CRB2: variants seen among roughly 807,000 people sequenced by gnomAD.
The protein encoded by CRB2 is protein crumbs homolog 2.
A neutral mutation model predicts 110.9 loss-of-function variants in CRB2; 85 were observed. The ratio of observed to expected loss-of-function variants is 0.77; its 90% CI spans 0.64 to 0.92. CRB2 has a LOEUF of 0.92. Ranked by LOEUF, CRB2 falls within the 40% of genes least tolerant of loss-of-function variation. CRB2 has a pLI of 0.00. For missense variants in CRB2, 1,843 were observed against 1,851.3 expected, an observed-to-expected ratio of 1.00 and a Z score of 0.08; for synonymous variants, 907 against 831.0, an observed-to-expected ratio of 1.09 and a Z score of -1.57.
intron 10 of CRB2, 31 bp downstream of exon 10, chr9:123,373,951 G>A (rs1418093582): frequency 6.5e-7 from 1 of 1,549,924 alleles, no homozygotes; most frequent in African/African-American, 1.4e-5. Context: ...GGTGGGCTGC[G>A]AATGCCCCCT....
At position 123,373,459 on chromosome 9, in the gene CRB2, G is replaced by T. The variant is rs910601450; in HGVS notation, c.2928G>T (p.Trp976Cys). ...PAATTSRWLL[W>C]LDGAATPVAL... Reference sequence around the variant, plus strand: ...CCACCACCTCGCGCTGGCTGCTGTGGCTGGATGGTGCCGCCACCCCGGTGG... The same window carrying T: ...CCACCACCTCGCGCTGGCTGCTGTGTCTGGATGGTGCCGCCACCCCGGTGG... The change falls in exon 10 of 13, where the codon TGG (tryptophan) becomes TGT (cysteine). Residue 976 changes from tryptophan to cysteine, a missense_variant. Trp to Cys is a radical substitution (Grantham distance 215). Coordinates refer to ENST00000373631, the MANE Select transcript of CRB2 (RefSeq NM_173689.7). 1 of 1,454,924 alleles carries T rather than the reference G, an allele frequency of 6.9e-7. No homozygotes were observed. Among genetic ancestry groups the T allele is most frequent in the Non-Finnish European group, 9.0e-7 (1 of 1,110,948 alleles). The allele number at this position is 1,454,924 out of a possible 1,614,324, so 90.1% of individuals were successfully genotyped here. A position where few individuals can be genotyped will look rare whatever the true frequency, so the allele number is the denominator to read the frequency against.
In CRB2 at chr9:123,374,564, C is replaced by G. The variant is rs370625774; in HGVS notation, c.3390-15C>G. ...AGGTGTCCTGCACCCACTCCAGCCT[C>G]TGCTCTCTCCCCAGGTTGCCTGTCC... On this transcript the variant is annotated splice_polypyrimidine_tract_variant and intron_variant, in intron 10 of 12. Transcript: ENST00000373631. 8.1e-6 allele frequency: 13 copies of G among 1,602,246 alleles called. No individual in the cohort carries two copies. The African/African-American group carries it at 1.6e-4, about 20-fold the overall frequency.
chr9:123,366,176 G>A, intron 3 of CRB2, 51 bp from the exon 4 acceptor site: 2 of 1,375,366 alleles, frequency 1.5e-6, no homozygotes, highest in South Asian at 1.7e-5. Context: ...GGCCAGGCGC[G>A]GGGCAGAAGG....
chr9:123,377,002 T>A lies in CRB2; in HGVS notation c.3798T>A (p.Ala1266=), dbSNP rs770025300. Residue 1266 remains alanine (A), a synonymous_variant, in exon 13 of 13, where the codon GCT becomes GCA. Transcript: ENST00000373631. ...ACAGCCCAAGCCAGCAGGAGGTGGCTGGGGCCCGGCTGGAGATGGACAGTG... is the reference window on the plus strand; with the variant it reads ...ACAGCCCAAGCCAGCAGGAGGTGGCAGGGGCCCGGCTGGAGATGGACAGTG... ...GTYSPSQQEV[A]GARLEMDSVL... 3 of 1,609,244 alleles carry A rather than the reference T, an allele frequency of 1.9e-6. No individual in the cohort carries two copies. In the East Asian group the frequency reaches 6.7e-5, roughly 36 times the overall value.
chr9:123,362,443 C>A (rs2041879252), intron 1 of CRB2, among the ~76,000 whole-genome samples: 1 of 152,194 alleles, frequency 6.6e-6, no homozygotes, highest in East Asian at 1.9e-4. Flanking sequence ...CACTAACTTG[C>A]TGTGTGAAGT....
intron 6 of CRB2, 87 bp from the exon 7 acceptor site, chr9:123,370,021 C>A: frequency 6.9e-7 from 1 of 1,447,970 alleles, no homozygotes; most frequent in Non-Finnish European, 9.3e-7. Context: ...TACTGAGGTC[C>A]CCATCATAAG....
chr9:123,367,529 G>A, intron 5 of CRB2, 44 bp from the exon 6 acceptor site: 1 of 1,501,512 alleles, frequency 6.7e-7, no homozygotes, highest in Non-Finnish European at 9.0e-7. Flanking sequence ...GCCCCTGCCT[G>A]GCTCTGAGGG....
At position 123,377,118 on chromosome 9, in the gene CRB2, G is replaced by C. The variant is rs1235211670; in HGVS notation, c.*56G>C. 1.3e-5 allele frequency: 19 copies of C among 1,426,564 alleles called. No individual in the cohort carries two copies. Among genetic ancestry groups the C allele is most frequent in the Non-Finnish European group, 1.7e-5 (18 of 1,070,024 alleles). 88.4% of individuals were successfully genotyped at this position (1,426,564 alleles called of 1,614,324 possible). A position where few individuals can be genotyped will look rare whatever the true frequency, so the allele number is the denominator to read the frequency against. ...AGGTCCTGAATGGTTTCTACCTGGA[G>C]ACCCAAGGAAGCTGCTTCCAGGGCT... On this transcript the variant is annotated 3_prime_UTR_variant, in exon 13 of 13. Coordinates refer to ENST00000373631, the MANE Select transcript of CRB2 (RefSeq NM_173689.7).
intron 4 of CRB2, 21 bp downstream of exon 4, chr9:123,366,387 G>A (rs771163017): frequency 6.5e-7 from 1 of 1,531,390 alleles, no homozygotes; most frequent in South Asian, 1.2e-5. Flanking sequence ...GCAGGTGCGC[G>A]GCCTGGCGGG....
In CRB2 at chr9:123,375,321, C is replaced by G; in HGVS notation, c.3611C>G (p.Ser1204Cys). 6.2e-7 allele frequency: 1 copy of G among 1,603,306 alleles called. No homozygotes were observed. Among genetic ancestry groups the G allele is most frequent in the African/African-American group, 1.3e-5 (1 of 74,884 alleles). Residue 1204 changes from serine (S) to cysteine (C), a missense_variant, in exon 12 of 13, where the codon TCC becomes TGC. Physicochemically the swap from Ser to Cys is moderately radical, Grantham distance 112. Transcript: ENST00000373631. The part of the protein sequence containing the change: ...VSECICNARF[S>C]GQFCEVAKGL... ...GAATGTATCTGCAATGCCAGATTCT[C>G]CGGCCAGTTCTGTGAAGTGGCGGTG...
rs68008388 is a variant in CRB2, at chr9:123,367,444, CCACCCCA to C, written c.940+100_940+106del. On this transcript the variant is annotated intron_variant, in intron 5 of 12. Coordinates refer to ENST00000373631, the MANE Select transcript of CRB2 (RefSeq NM_173689.7). ...CCACCCCCCCACCCCCCCCACCCCC[CCACCCCA>C]CACCCCACACCCGAGTCTGCCCTCT... 0.49 allele frequency: 524,917 copies of C among 1,075,762 alleles called. 123,444 individuals carry two copies. The highest frequency in any genetic ancestry group is 0.52 in the Non-Finnish European group (406,789 of 787,084). 66.6% of individuals were successfully genotyped at this position (1,075,762 alleles called of 1,614,324 possible). A position where few individuals can be genotyped will look rare whatever the true frequency, so the allele number is the denominator to read the frequency against.
Position 123,373,295 on chromosome 9 carries a change from C to T in CRB2, c.2764C>T (p.Leu922=). The change falls in exon 10 of 13, where the codon CTG becomes TTG. Residue 922 remains leucine, a synonymous_variant. Transcript: ENST00000373631. ...GGCGGGCGCCCTGGAAGGCGTGTGG[C>T]TGGCGGTGCGCAATGGCTCGCTGGC... is the stretch of plus-strand genomic sequence containing the variant. ...AAAGALEGVW[L]AVRNGSLAGG... is the part of the protein sequence containing the mutation. 6.8e-7 allele frequency: 1 copy of T among 1,474,670 alleles called. No individual in the cohort carries two copies. The highest frequency in any genetic ancestry group is 8.9e-7 in the Non-Finnish European group (1 of 1,122,180). 91.3% of individuals were successfully genotyped at this position (1,474,670 alleles called of 1,614,324 possible). A position where few individuals can be genotyped will look rare whatever the true frequency, so the allele number is the denominator to read the frequency against.
At chr9:123,361,101 AG>A (rs1320899627) in intron 1 of CRB2, among the ~76,000 whole-genome samples, 3 of 139,998 alleles carry the variant, frequency 2.1e-5, no homozygotes, top group Non-Finnish European at 4.6e-5. Context: ...AGCTGCTCTG[AG>A]ATAGGGGGCA....
chr9:123,370,329 T>C lies in CRB2; in HGVS notation c.1276T>C (p.Cys426Arg). The change falls in exon 7 of 13, where the codon TGC becomes CGC. Residue 426 changes from cysteine (C) to arginine (R), a missense_variant. Coordinates refer to ENST00000373631, the MANE Select transcript of CRB2 (RefSeq NM_173689.7). Reference sequence around the variant, plus strand: ...TGGGGTCCACAGTTACGTCTGCCACTGCCCACCTGGTACCCATGGACCGTT... The same window carrying C: ...TGGGGTCCACAGTTACGTCTGCCACCGCCCACCTGGTACCCATGGACCGTT... The part of the protein sequence containing the change: ...ESGVHSYVCH[C>R]PPGTHGPFCG... 1.2e-6 allele frequency: 2 copies of C among 1,613,758 alleles called. No homozygotes were observed. Among genetic ancestry groups the C allele is most frequent in the Non-Finnish European group, 1.7e-6 (2 of 1,180,016 alleles).
chr9:123,372,882 T>C (rs1187347539), intron 9 of CRB2, among the ~76,000 whole-genome samples: 1 of 152,184 alleles, frequency 6.6e-6, no homozygotes, highest in Non-Finnish European at 1.5e-5. Context: ...GCTTGTGACC[T>C]GGAGGGTCGC....
rs567274746 is a variant in CRB2, at chr9:123,356,386, G to A, written c.94+32G>A. On this transcript the variant is annotated intron_variant, in intron 1 of 12. Coordinates refer to ENST00000373631, the MANE Select transcript of CRB2 (RefSeq NM_173689.7). ...TGGGGCCCATGTCTGGAGGGGCCTGGGAGAGGGTCTGTCCCCCAAGACAGA... is the reference window on the plus strand; with the variant it reads ...TGGGGCCCATGTCTGGAGGGGCCTGAGAGAGGGTCTGTCCCCCAAGACAGA... The A allele has an allele frequency of 3.1e-5, 46 of 1,488,176 alleles. No individual in the cohort carries two copies. In the African/African-American group the frequency reaches 6.2e-4, roughly 20 times the overall value. 92.2% of individuals were successfully genotyped at this position (1,488,176 alleles called of 1,614,324 possible).
chr9:123,379,460 G>A (rs1434192854), downstream of CRB2, among the ~76,000 whole-genome samples: 2 of 152,224 alleles, frequency 1.3e-5, no homozygotes, highest in Non-Finnish European at 2.9e-5. Flanking sequence ...CCCCGTGCCT[G>A]GTCTGTGAGG....
At chr9:123,365,770 T>TG in intron 2 of CRB2, 147 bp from the exon 3 acceptor site, 9 of 697,238 alleles carry the variant, frequency 1.3e-5, no homozygotes, top group Non-Finnish European at 6.6e-6. Context: ...GCATGACCCG[T>TG]CCCCCACCCC....
At chr9:123,365,144 TC>T (rs2041914499) in intron 2 of CRB2, among the ~76,000 whole-genome samples, 1 of 152,088 alleles carries the variant, frequency 6.6e-6, no homozygotes, top group Non-Finnish European at 1.5e-5. Context: ...GCACCTGTAA[TC>T]CCAGCTACTC....
Sources: gnomAD v4.1 joint callset for allele counts (sites outside exome capture counted in the v4.1 genomes callset) on GRCh38, gnomAD v4.1.1 for gene constraint, MANE v1.5 for transcripts, NCBI Gene and HGNC (gene_info 2026-07-23, HGNC 2026-07-21) for gene names.